Variants in SETX observed in about 807,000 individuals in gnomAD.
SETX encodes the protein senataxin.
SETX carries 90 observed loss-of-function variants against 227.2 expected under a neutral mutation model. The ratio of observed to expected loss-of-function variants is 0.40; its 90% CI spans 0.33 to 0.47. The LOEUF (loss-of-function observed/expected upper bound fraction) is 0.47, where lower values mean the gene tolerates loss of function less well. Ranked by LOEUF, SETX falls within the 20% of genes least tolerant of loss-of-function variation. The pLI, the probability that SETX is intolerant of heterozygous loss-of-function variation, is 0.91. For synonymous variants in SETX, 1,210 were observed against 1,113.2 expected (o/e 1.09, Z -1.73); for missense variants, 3,052 against 3,181.5 (o/e 0.96, Z 0.98).
rs377158516 is a variant in SETX at position 132,298,158 on chromosome 9, T to A, written c.5703A>T (p.Gln1901His). Residue 1901 changes from glutamine (Q) to histidine (H), a missense_variant, in exon 13 of 26, where the codon CAA (glutamine) becomes CAT (histidine). By Grantham distance (24) the Gln-to-His change is conservative (BLOSUM62 0). Transcript: ENST00000224140. ...TTGGATTCAGAACAGCTCTAGCCAGTTGGTTCCGACTACCCAACAGAGACA... is the reference window on the plus strand; with the variant it reads ...TTGGATTCAGAACAGCTCTAGCCAGATGGTTCCGACTACCCAACAGAGACA... ...KAMSLLGSRNQLARAVLNPNP... is the reference protein window; with the variant it reads ...KAMSLLGSRNHLARAVLNPNP... The A allele has an allele frequency of 1.9e-6, 3 of 1,614,026 alleles. No homozygotes were observed. The highest frequency in any genetic ancestry group is 1.3e-5 in the African/African-American group (1 of 74,914).
intron 11 of SETX, among the ~76,000 whole-genome samples, chr9:132,302,499 A>C (rs1845058880): frequency 6.6e-6 from 1 of 151,740 alleles, no homozygotes; most frequent in South Asian, 2.1e-4. Flanking sequence ...ATCTCTACTA[A>C]AAATACAAAA....
intron 15 of SETX, 120 bp downstream of exon 15, chr9:132,295,752 G>A: frequency 1.1e-6 from 1 of 923,326 alleles, no homozygotes; most frequent in Non-Finnish European, 1.7e-6. Context: ...GAACTCACAA[G>A]CCACAGATTC....
rs779169740 is a variant in SETX at position 132,329,579 on chromosome 9, A to G, written c.2019T>C (p.Tyr673=). 3.7e-6 allele frequency: 6 copies of G among 1,613,546 alleles called. No homozygotes were observed. The highest frequency in any genetic ancestry group is 1.3e-5 in the African/African-American group (1 of 74,932). The change falls in exon 10 of 26, where the codon TAT becomes TAC. Residue 673 remains tyrosine, a synonymous_variant. Coordinates refer to ENST00000224140, the MANE Select transcript of SETX (RefSeq NM_015046.7). ...GGTCCTCTAGTTTCACATCCTTTAT[A>G]TAATTTTGCTCATTATTGTCACCTT... ...TIEGDNNEQN[Y]IKDVKLEDHL...
chr9:132,287,766 CA>C (rs34551713), intron 17 of SETX, among the ~76,000 whole-genome samples: 263 of 123,738 alleles, frequency 2.1e-3, no homozygotes, highest in Non-Finnish European at 2.4e-3. Context: ...ACCAAAAGGA[CA>C]AAAAAAAAAA....
intron 18 of SETX, among the ~76,000 whole-genome samples, chr9:132,284,980 G>A (rs554291879): frequency 1.3e-3 from 199 of 151,716 alleles, no homozygotes; most frequent in Non-Finnish European, 1.9e-3. Context: ...CCAGGTTCAC[G>A]CCATTCTCCT....
chr9:132,271,949 C>A, intron 23 of SETX, 141 bp from the exon 24 acceptor site: 2 of 614,654 alleles, frequency 3.3e-6, no homozygotes, highest in South Asian at 3.5e-5. Context: ...GTGGCGCGAT[C>A]TCAGTTCACT....
chr9:132,346,498 G>A, intron 3 of SETX, 27 bp from the exon 4 acceptor site: 1 of 1,501,046 alleles, frequency 6.7e-7, no homozygotes, highest in African/African-American at 1.4e-5. Flanking sequence ...TGGGCAGTGT[G>A]CGTTATGTCT....
At chr9:132,317,497 G>A (rs549112308) in intron 10 of SETX, among the ~76,000 whole-genome samples, 7 of 152,132 alleles carry the variant, frequency 4.6e-5, no homozygotes, top group South Asian at 2.1e-4. Context: ...AATTATATAC[G>A]CTTGGGTAAC....
intron 7 of SETX, among the ~76,000 whole-genome samples, chr9:132,333,027 A>C (rs1176552254): frequency 6.6e-6 from 1 of 152,064 alleles, no homozygotes; most frequent in Non-Finnish European, 1.5e-5. Context: ...GAAATGAACA[A>C]TTTATGCAGT....
intron 9 of SETX, 97 bp from the exon 10 acceptor site, chr9:132,330,596 T>G: frequency 9.7e-7 from 1 of 1,035,176 alleles, no homozygotes; most frequent in Non-Finnish European, 1.5e-6. Context: ...CTCAACTCTC[T>G]TATTTTGGTT....
intron 6 of SETX, among the ~76,000 whole-genome samples, chr9:132,335,365 T>C (rs1261528790): frequency 1.9e-5 from 2 of 104,702 alleles, no homozygotes; most frequent in Admixed American, 1.6e-4. Context: ...CACTCCAGCC[T>C]GGGCGACAGA....
intron 4 of SETX, among the ~76,000 whole-genome samples, 154 bp downstream of exon 4, chr9:132,346,107 C>CA (rs1305743604): frequency 6.6e-6 from 1 of 151,824 alleles, no homozygotes; most frequent in East Asian, 1.9e-4. Flanking sequence ...TGTTTGAACT[C>CA]AAAAAATAAA....
At position 132,334,614 on chromosome 9, in the gene SETX, C is replaced by A; in HGVS notation, c.832G>T (p.Ala278Ser). 1.2e-6 allele frequency: 2 copies of A among 1,614,070 alleles called. No homozygotes were observed. The highest frequency in any genetic ancestry group is 1.7e-6 in the Non-Finnish European group (2 of 1,179,956). ...QSILHTMERE[A>S]DDDSVDPFWP... ...AGCAAGTAAAGTTTATTACCATCTG[C>A]TTCCCTCTCCATAGTGTGAAGTATC... The change falls in exon 7 of 26, where the codon GCA (alanine) becomes TCA (serine). Residue 278 changes from alanine (A) to serine (S), a missense_variant. Transcript: ENST00000224140.
At chr9:132,269,789 C>T (rs1313114246) in intron 24 of SETX, 87 bp from the exon 25 acceptor site, 37 of 1,312,844 alleles carry the variant, frequency 2.8e-5, no homozygotes, top group Non-Finnish European at 3.4e-5. Flanking sequence ...AATGACTCAA[C>T]GTGCCCGTGT....
At chr9:132,301,620 C>T (rs368592087) in intron 11 of SETX, among the ~76,000 whole-genome samples, 6 of 152,264 alleles carry the variant, frequency 3.9e-5, no homozygotes, top group East Asian at 1.9e-4. Flanking sequence ...GTATTCAATA[C>T]GGTAACATGC....
chr9:132,293,657 T>C (rs1042295208), intron 15 of SETX, among the ~76,000 whole-genome samples: 1 of 152,032 alleles, frequency 6.6e-6, no homozygotes, highest in Non-Finnish European at 1.5e-5. Context: ...TGACCTCAGG[T>C]GATCCATCCA....
rs144712220 is a variant in SETX at position 132,316,492 on chromosome 9, CTT to C, written c.5275-4638_5275-4637del. On this transcript the variant is annotated intron_variant, in intron 10 of 25. Transcript: ENST00000224140. ...CATTAATCCATTAATGTGGCTAATG[CTT>C]TTTATGTTTTTATGATTACCTTCAT... Among the ~76,000 whole-genome samples, 718 of 152,252 alleles carry C rather than the reference CTT, an allele frequency of 4.7e-3. 4 individuals are homozygous for C. Among genetic ancestry groups the C allele is most frequent in the African/African-American group, 0.017 (687 of 41,552 alleles).
Position 132,327,435 on chromosome 9 carries a change from A to G in SETX, c.4163T>C (p.Val1388Ala). Residue 1388 changes from valine (V) to alanine (A), a missense_variant, in exon 10 of 26, where the codon GTA becomes GCA. Around this residue, in one of 10 missense-constraint regions of SETX, gnomAD observed 1,483 missense variants for 1,312.0 expected, o/e 1.13. Transcript: ENST00000224140. ...ATAATCTGACCTATCAGATTCTGGT[A>G]CAAATATGTCAGAATTCTGTGCTGT... ...SHTAQNSDIFVPESDRSDYNC... is the reference protein window; with the variant it reads ...SHTAQNSDIFAPESDRSDYNC... 6 of 1,614,180 alleles carry G rather than the reference A, an allele frequency of 3.7e-6. No homozygotes were observed.
rs2131107828 is a variant in SETX at position 132,263,810 on chromosome 9, T to C, written c.*429A>G. 5.5e-6 allele frequency: 1 copy of C among 180,970 alleles called. No individual in the cohort carries two copies. Among genetic ancestry groups the C allele is most frequent in the South Asian group, 1.0e-4 (1 of 9,726 alleles). 11.2% of individuals were successfully genotyped at this position (180,970 alleles called of 1,614,324 possible). A position where few individuals can be genotyped will look rare whatever the true frequency, so the allele number is the denominator to read the frequency against. ...GAAAGGACCCGCCCTCCTCCCATCTTTTTTTTTTTGGTAATATAAAGTTTG... is the reference window on the plus strand; with the variant it reads ...GAAAGGACCCGCCCTCCTCCCATCTCTTTTTTTTTGGTAATATAAAGTTTG... On this transcript the variant is annotated 3_prime_UTR_variant, in exon 26 of 26. Transcript: ENST00000224140.
Sources: gnomAD v4.1 joint callset for allele counts (sites outside exome capture counted in the v4.1 genomes callset) on GRCh38, gnomAD v4.1.1 for gene constraint, gnomAD v4.1.1 regional missense constraint, MANE v1.5 for transcripts, NCBI Gene and HGNC (gene_info 2026-07-23, HGNC 2026-07-21) for gene names.